TMTC2: variants seen among roughly 807,000 people sequenced by gnomAD.
TMTC2 encodes transmembrane O-mannosyltransferase targeting cadherins 2.
A neutral mutation model predicts 82.4 loss-of-function variants in TMTC2; 43 were observed. That is an observed-to-expected ratio of 0.52 (90% confidence interval 0.41 to 0.67). The LOEUF (loss-of-function observed/expected upper bound fraction) is 0.67, where lower values mean the gene tolerates loss of function less well. Among genes scored for constraint, TMTC2 ranks in the 30% least tolerant of loss-of-function variants. The probability of loss-of-function intolerance (pLI) is 0.00; values close to 1 mark genes in which losing one functional copy is unlikely to be tolerated. For synonymous variants in TMTC2, 408 were observed against 381.9 expected (o/e 1.07, Z -0.80); for missense variants, 919 against 1,012.4 (o/e 0.91, Z 1.25).
At chr12:83,092,720 T>C (rs1056104612) in intron 11 of TMTC2, among the ~76,000 whole-genome samples, 7 of 152,228 alleles carry the variant, frequency 4.6e-5, no homozygotes, top group African/African-American at 2.4e-5. Flanking sequence ...TTTCCATGAC[T>C]AAAAGGGAAT....
intron 1 of TMTC2, among the ~76,000 whole-genome samples, chr12:82,797,793 T>C (rs889531665): frequency 1.3e-5 from 2 of 152,058 alleles, no homozygotes; most frequent in African/African-American, 4.8e-5. Context: ...TTTAGGCTCA[T>C]GTGGGAAGAT....
In TMTC2 at chr12:82,885,069, C is replaced by CTT. The variant is rs572580486; in HGVS notation, c.655-10736_655-10735dup. Among the ~76,000 whole-genome samples the CTT allele has an allele frequency of 1.5e-3, 218 of 141,144 alleles. 2 individuals carry two copies. The highest frequency in any genetic ancestry group is 5.0e-3 in the African/African-American group (193 of 38,482). 92.6% of individuals were successfully genotyped at this position (141,144 alleles called of 152,430 possible). ...CCACCACACCTGGCTGATTTTTGTA[C>CTT]TTTTTTTTTTTTTTGTAGAGATGGG... On this transcript the variant is annotated intron_variant, in intron 2 of 11. Transcript: ENST00000321196.
intron 8 of TMTC2, among the ~76,000 whole-genome samples, chr12:82,997,206 C>CCTCTCTCTCTCTCTCT (rs202229293): frequency 2.5e-5 from 3 of 117,894 alleles, no homozygotes; most frequent in African/African-American, 1.1e-4. Flanking sequence ...TCCCCCTCTC[C>CCTCTCTCTCTCTCTCT]CTCTCTCTCT....
rs80133437 is a variant in TMTC2 at position 82,996,259 on chromosome 12, T to G, written c.2070+10213T>G. On this transcript the variant is annotated intron_variant, in intron 8 of 11. Transcript: ENST00000321196. The stretch of plus-strand genomic sequence containing the variant: ...ATATAGTTTTCCTCAAATGTGAAGT[T>G]TTGAAGGAACCATTATTATACTCCA... Among the ~76,000 whole-genome samples, 648 of 152,260 alleles carry G rather than the reference T, an allele frequency of 4.3e-3. 9 individuals are homozygous for G. Among genetic ancestry groups the G allele is most frequent in the African/African-American group, 0.015 (622 of 41,542 alleles).
intron 8 of TMTC2, among the ~76,000 whole-genome samples, chr12:83,012,241 C>T (rs578073428): frequency 3.3e-5 from 5 of 151,792 alleles, no homozygotes; most frequent in African/African-American, 1.2e-4. Context: ...CAAAATACAT[C>T]ATTTTAGTGT....
intron 1 of TMTC2, among the ~76,000 whole-genome samples, chr12:82,830,113 C>T (rs1869667733): frequency 1.3e-5 from 2 of 152,008 alleles, no homozygotes; most frequent in East Asian, 1.9e-4. Context: ...TTGCCAGTGC[C>T]CTGAGAAAGC....
At chr12:83,063,026 A>G in intron 11 of TMTC2, among the ~76,000 whole-genome samples, 1 of 152,022 alleles carries the variant, frequency 6.6e-6, no homozygotes, top group Non-Finnish European at 1.5e-5. Context: ...ATACAAATGT[A>G]TTTAATATAC....
intron 9 of TMTC2, among the ~76,000 whole-genome samples, chr12:83,043,600 G>A (rs1037352057): frequency 6.6e-6 from 1 of 152,202 alleles, no homozygotes; most frequent in African/African-American, 2.4e-5. Flanking sequence ...TAGAAATGAT[G>A]CATTCAGCCT....
In TMTC2 at chr12:82,704,847, C is replaced by T. The variant is rs11115350; in HGVS notation, c.83+17178C>T. 3.1e-3 allele frequency among the ~76,000 whole-genome samples: 464 copies of T among 152,096 alleles called. 3 individuals carry two copies. The highest frequency in any genetic ancestry group is 0.011 in the African/African-American group (454 of 41,496). On this transcript the variant is annotated intron_variant, in intron 1 of 11. Coordinates refer to ENST00000321196, the MANE Select transcript of TMTC2 (RefSeq NM_152588.3). ...GCAACAAAAATTATAAGAATAATTG[C>T]CCTTATAAAGAAGTCATTATATGAA...
intron 8 of TMTC2, among the ~76,000 whole-genome samples, chr12:83,000,891 C>A (rs771387881): frequency 2.0e-5 from 3 of 152,184 alleles, no homozygotes; most frequent in Non-Finnish European, 4.4e-5. Context: ...GCAGGCTCAA[C>A]ACCACATGGA....
At chr12:82,712,969 A>G (rs998191769) in intron 1 of TMTC2, among the ~76,000 whole-genome samples, 1 of 152,170 alleles carries the variant, frequency 6.6e-6, no homozygotes, top group African/African-American at 2.4e-5. Flanking sequence ...AGGCAAATTC[A>G]AGGGACTAAA....
chr12:82,879,985 G>A (rs952315033), intron 2 of TMTC2, among the ~76,000 whole-genome samples: 3 of 152,120 alleles, frequency 2.0e-5, no homozygotes, highest in Non-Finnish European at 2.9e-5. Context: ...AATTCATTAG[G>A]CAATTATACA....
chr12:82,940,339 C>T (rs1876643965), intron 4 of TMTC2, among the ~76,000 whole-genome samples: 1 of 152,010 alleles, frequency 6.6e-6, no homozygotes. Context: ...TTCTACATTT[C>T]TTTCAATTTT....
At chr12:83,022,463 G>A (rs1368548371) in intron 8 of TMTC2, among the ~76,000 whole-genome samples, 3 of 146,070 alleles carry the variant, frequency 2.1e-5, no homozygotes, top group African/African-American at 7.6e-5. Context: ...GTAAACTAAG[G>A]ATTCCACCAC....
At chr12:82,863,206 G>A (rs1443538006) in intron 2 of TMTC2, among the ~76,000 whole-genome samples, 3 of 151,960 alleles carry the variant, frequency 2.0e-5, no homozygotes, top group Admixed American at 6.6e-5. Context: ...TATATTTACC[G>A]TTTGTGATTT....
intron 8 of TMTC2, among the ~76,000 whole-genome samples, chr12:82,994,866 A>T (rs1879546499): frequency 2.0e-5 from 3 of 152,126 alleles, no homozygotes. Context: ...AGGTACATTC[A>T]TTGTATTACC....
intron 1 of TMTC2, among the ~76,000 whole-genome samples, chr12:82,843,932 A>C (rs1212688311): frequency 6.6e-6 from 1 of 152,172 alleles, no homozygotes; most frequent in African/African-American, 2.4e-5. Context: ...TGGGCGACAG[A>C]GTGAGACTCG....
At chr12:82,766,854 G>A (rs563369245) in intron 1 of TMTC2, among the ~76,000 whole-genome samples, 3 of 151,970 alleles carry the variant, frequency 2.0e-5, no homozygotes, top group Admixed American at 6.6e-5. Context: ...ACTATAGTGC[G>A]GTGGCATGAT....
intron 1 of TMTC2, among the ~76,000 whole-genome samples, chr12:82,807,336 A>G (rs1474660500): frequency 6.6e-6 from 1 of 152,136 alleles, no homozygotes; most frequent in Admixed American, 6.5e-5. Context: ...AGTGTGAGGA[A>G]CAAGCCTCTA....
Sources: allele counts gnomAD v4.1 joint callset (sites outside exome capture counted in the v4.1 genomes callset), GRCh38; gene constraint gnomAD v4.1.1; transcripts MANE v1.5; gene names NCBI Gene and HGNC (gene_info 2026-07-23, HGNC 2026-07-21).